The following OSBP2 variants were observed in gnomAD, a reference collection of about 807,000 sequenced individuals.
OSBP2 encodes oxysterol binding protein 2.
In OSBP2, 66 loss-of-function variants were observed where a neutral mutation model predicts 96.0. The ratio of observed to expected loss-of-function variants is 0.69; its 90% CI spans 0.56 to 0.84. OSBP2 has a LOEUF of 0.84. Among genes scored for constraint, OSBP2 ranks in the 40% least tolerant of loss-of-function variants. The pLI is 0.00. For missense variants in OSBP2, 1,038 were observed against 1,222.7 expected, an observed-to-expected ratio of 0.85 and a Z score of 2.25; for synonymous variants, 525 against 520.9, an observed-to-expected ratio of 1.01 and a Z score of -0.11.
intron 2 of OSBP2, among the ~76,000 whole-genome samples, chr22:30,846,727 C>T (rs2147049314): frequency 6.6e-6 from 1 of 152,126 alleles, no homozygotes; most frequent in African/African-American, 2.4e-5. Flanking sequence ...TATTCAAATA[C>T]CATTTTTAAG....
chr22:30,903,877 T>A (rs1440530974), intron 12 of OSBP2, among the ~76,000 whole-genome samples: 1 of 152,244 alleles, frequency 6.6e-6, no homozygotes, highest in Non-Finnish European at 1.5e-5. Context: ...ACTTTACTCA[T>A]TTCCCTTGAT....
intron 2 of OSBP2, among the ~76,000 whole-genome samples, chr22:30,754,006 G>T (rs2090110923): frequency 6.6e-6 from 1 of 152,102 alleles, no homozygotes; most frequent in Non-Finnish European, 1.5e-5. Flanking sequence ...GAATTTATTT[G>T]TTCTTAATTG....
chr22:30,885,096 CTGA>C (rs1349597909), intron 3 of OSBP2, among the ~76,000 whole-genome samples: 5 of 152,190 alleles, frequency 3.3e-5, no homozygotes, highest in Non-Finnish European at 7.3e-5. Context: ...ACATCACCTC[CTGA>C]TATTTCCTCA....
Position 30,730,811 on chromosome 22 carries a change from T to TATATATAA in OSBP2, c.645-10350_645-10349insATATATAA, listed in dbSNP as rs544751584. Among the ~76,000 whole-genome samples, 26 of 69,560 alleles carry TATATATAA rather than the reference T, an allele frequency of 3.7e-4. 3 individuals carry two copies. Among genetic ancestry groups the TATATATAA allele is most frequent in the African/African-American group, 1.8e-3 (24 of 13,678 alleles). The allele number at this position is 69,560 out of a possible 152,430, so 45.6% of individuals were successfully genotyped here. A position where few individuals can be genotyped will look rare whatever the true frequency, so the allele number is the denominator to read the frequency against. ...ATATATATATATATATATATATAAT[T>TATATATAA]TTTTTTTTTTTTCCCATGGACATTT... On this transcript the variant is annotated intron_variant, in intron 1 of 13. Coordinates refer to ENST00000332585, the MANE Select transcript of OSBP2 (RefSeq NM_030758.4).
chr22:30,732,940 A>G (rs1437948097), intron 1 of OSBP2, among the ~76,000 whole-genome samples: 1 of 152,162 alleles, frequency 6.6e-6, no homozygotes, highest in East Asian at 1.9e-4. Context: ...GCCACTTTGT[A>G]TAAGGCTGTA....
At chr22:30,821,885 A>G (rs183305491) in intron 2 of OSBP2, among the ~76,000 whole-genome samples, 8 of 152,344 alleles carry the variant, frequency 5.3e-5, no homozygotes, top group African/African-American at 1.9e-4. Context: ...ATCTGTAATA[A>G]ACCTTGTAAT....
intron 2 of OSBP2, among the ~76,000 whole-genome samples, chr22:30,807,160 C>A (rs745736707): frequency 2.6e-5 from 4 of 152,132 alleles, no homozygotes; most frequent in African/African-American, 4.8e-5. Flanking sequence ...CCTGCAGGTG[C>A]GCTCCTTTTC....
rs1366395386 is a variant in OSBP2, at chr22:30,785,707, G to A, written c.853+44338G>A. Among the ~76,000 whole-genome samples, 6 of 152,236 alleles carry A rather than the reference G, an allele frequency of 3.9e-5. No individual in the cohort carries two copies. The East Asian group carries it at 9.6e-4, about 24-fold the overall frequency. ...CAAATTGTAATCCCCACATATCGAG[G>A]GAGGGAGCTAGTGGGAGGTGACTGG... On this transcript the variant is annotated intron_variant, in intron 2 of 13. Coordinates refer to ENST00000332585, the MANE Select transcript of OSBP2 (RefSeq NM_030758.4).
intron 5 of OSBP2, 25 bp downstream of exon 5, chr22:30,888,365 G>A (rs748136557): frequency 7.2e-7 from 1 of 1,381,962 alleles, no homozygotes. Flanking sequence ...GCTGGGCAGA[G>A]CCTCCCCCAC....
chr22:30,698,651 G>GAA (rs1355025719), intron 1 of OSBP2, among the ~76,000 whole-genome samples: 2 of 152,048 alleles, frequency 1.3e-5, no homozygotes, highest in Admixed American at 6.6e-5. Context: ...TATTGGCCGG[G>GAA]ATGGTCTCAA....
At chr22:30,900,234 A>G (rs1368014548) in intron 12 of OSBP2, among the ~76,000 whole-genome samples, 1 of 152,010 alleles carries the variant, frequency 6.6e-6, no homozygotes, top group East Asian at 1.9e-4. Flanking sequence ...AGCCTGGGCA[A>G]CAAGAGCGAA....
chr22:30,760,570 C>T (rs1482157460), intron 2 of OSBP2, among the ~76,000 whole-genome samples: 1 of 152,084 alleles, frequency 6.6e-6, no homozygotes. Flanking sequence ...AATCCCAGCA[C>T]TTTGGAAGGC....
intron 2 of OSBP2, among the ~76,000 whole-genome samples, chr22:30,832,689 G>A (rs951622143): frequency 6.6e-6 from 1 of 152,168 alleles, no homozygotes; most frequent in African/African-American, 2.4e-5. Context: ...TCACGGTCAC[G>A]ATCTCCTTGA....
At chr22:30,868,904 A>G (rs2039403650) in intron 2 of OSBP2, among the ~76,000 whole-genome samples, 1 of 152,250 alleles carries the variant, frequency 6.6e-6, no homozygotes, top group South Asian at 2.1e-4. Context: ...TTATTTTTCA[A>G]AAAAAGTCTT....
chr22:30,874,886 G>A (rs1267121557), intron 3 of OSBP2, among the ~76,000 whole-genome samples: 1 of 152,158 alleles, frequency 6.6e-6, no homozygotes, highest in Non-Finnish European at 1.5e-5. Flanking sequence ...CTCTTGGCTG[G>A]GACCCCGGCT....
intron 1 of OSBP2, among the ~76,000 whole-genome samples, chr22:30,707,546 C>T (rs2089274158): frequency 6.6e-6 from 1 of 151,352 alleles, no homozygotes; most frequent in Admixed American, 6.6e-5. Context: ...AACCCCGTCT[C>T]TACTAAAAAT....
rs913722248 is a variant in OSBP2 at position 30,721,247 on chromosome 22, A to C, written c.645-19914A>C. On this transcript the variant is annotated intron_variant, in intron 1 of 13. Coordinates refer to ENST00000332585, the MANE Select transcript of OSBP2 (RefSeq NM_030758.4). ...TCTAAAAAAACCAAACCAAACCAAA[A>C]CAAAACAAAAAAACAACAAACAAAC... 8.5e-5 allele frequency among the ~76,000 whole-genome samples: 13 copies of C among 152,082 alleles called. 1 individual carries two copies. Among genetic ancestry groups the C allele is most frequent in the South Asian group, 8.3e-4 (4 of 4,830 alleles).
At chr22:30,807,411 C>T (rs1171003788) in intron 2 of OSBP2, among the ~76,000 whole-genome samples, 1 of 152,220 alleles carries the variant, frequency 6.6e-6, no homozygotes, top group East Asian at 1.9e-4. Context: ...TGCACAGGGT[C>T]CCTTGTAGAC....
At chr22:30,793,206 A>T (rs966393842) in intron 2 of OSBP2, among the ~76,000 whole-genome samples, 1 of 152,094 alleles carries the variant, frequency 6.6e-6, no homozygotes, top group South Asian at 2.1e-4. Context: ...CCTGGTCAAC[A>T]TGGTGAAAAC....
Sources: gnomAD v4.1 joint callset for allele counts (sites outside exome capture counted in the v4.1 genomes callset) on GRCh38, gnomAD v4.1.1 for gene constraint, MANE v1.5 for transcripts, NCBI Gene and HGNC (gene_info 2026-07-23, HGNC 2026-07-21) for gene names.